The following FARS2 variants were observed in gnomAD, a reference collection of about 807,000 sequenced individuals.
FARS2 encodes the protein phenylalanyl-tRNA synthetase 2, mitochondrial.
FARS2 carries 40 observed loss-of-function variants against 46.4 expected under a neutral mutation model. That is an observed-to-expected ratio of 0.86 (90% CI 0.67 to 1.12). The LOEUF is 1.12. Among genes scored for constraint, FARS2 ranks in the 50% most tolerant of loss-of-function variants. The pLI, the probability that FARS2 is intolerant of heterozygous loss-of-function variation, is 0.00. For missense variants in FARS2, 513 were observed against 567.9 expected (o/e 0.90, Z 0.98); for synonymous variants, 234 against 214.9 (o/e 1.09, Z -0.78).
intron 6 of FARS2, among the ~76,000 whole-genome samples, chr6:5,745,101 A>G (rs1356702853): frequency 6.6e-6 from 1 of 152,270 alleles, no homozygotes; most frequent in Non-Finnish European, 1.5e-5. Context: ...GAAAAGAGCC[A>G]TTAATGAAAT....
At chr6:5,307,753 G>A (rs1768813430) in intron 1 of FARS2, among the ~76,000 whole-genome samples, 1 of 151,708 alleles carries the variant, frequency 6.6e-6, no homozygotes, top group Admixed American at 6.6e-5. Context: ...ATTCATCTTG[G>A]CCTTGAAGTT....
At chr6:5,637,067 A>C (rs1287598280) in intron 6 of FARS2, among the ~76,000 whole-genome samples, 1 of 152,232 alleles carries the variant, frequency 6.6e-6, no homozygotes, top group Non-Finnish European at 1.5e-5. Context: ...AGGCAAGAGC[A>C]TAGGAAGAAA....
intron 3 of FARS2, among the ~76,000 whole-genome samples, chr6:5,405,744 G>T (rs1174294871): frequency 1.3e-5 from 2 of 151,846 alleles, no homozygotes; most frequent in South Asian, 4.2e-4. Flanking sequence ...CACCCGCCTC[G>T]GCCTCCCAAA....
chr6:5,662,158 C>T (rs988542568), intron 6 of FARS2, among the ~76,000 whole-genome samples: 3 of 152,172 alleles, frequency 2.0e-5, no homozygotes, highest in Admixed American at 6.5e-5. Context: ...TTCCACCTAA[C>T]GTATTTTTAA....
chr6:5,335,529 A>G (rs1364166450), intron 1 of FARS2, among the ~76,000 whole-genome samples: 2 of 152,184 alleles, frequency 1.3e-5, no homozygotes, highest in African/African-American at 4.8e-5. Flanking sequence ...ATTCAGATAG[A>G]AACTGTTTCA....
chr6:5,298,006 C>T (rs1268861189), intron 1 of FARS2, among the ~76,000 whole-genome samples: 2 of 152,196 alleles, frequency 1.3e-5, no homozygotes, highest in African/African-American at 4.8e-5. Flanking sequence ...CGGAGGGCAT[C>T]GATGGTAAAC....
intron 2 of FARS2, among the ~76,000 whole-genome samples, chr6:5,375,509 G>A (rs1291720194): frequency 6.6e-6 from 1 of 151,958 alleles, no homozygotes; most frequent in East Asian, 1.9e-4. Flanking sequence ...CAAATCCAGC[G>A]CAAATCCAAC....
chr6:5,530,441 T>C (rs904122209), intron 4 of FARS2, among the ~76,000 whole-genome samples: 5 of 152,190 alleles, frequency 3.3e-5, no homozygotes, highest in South Asian at 4.1e-4. Flanking sequence ...TACAAGGACA[T>C]GATTGGCAAA....
intron 6 of FARS2, among the ~76,000 whole-genome samples, chr6:5,644,539 C>G (rs1214861308): frequency 6.6e-6 from 1 of 152,008 alleles, no homozygotes; most frequent in African/African-American, 2.4e-5. Flanking sequence ...CCCTTGTTTT[C>G]AGACAGCTGC....
At chr6:5,644,541 G>T (rs765606876) in intron 6 of FARS2, among the ~76,000 whole-genome samples, 4 of 151,896 alleles carry the variant, frequency 2.6e-5, no homozygotes, top group Non-Finnish European at 5.9e-5. Context: ...CTTGTTTTCA[G>T]ACAGCTGCAA....
At chr6:5,682,163 C>A (rs907220532) in intron 6 of FARS2, among the ~76,000 whole-genome samples, 3 of 152,154 alleles carry the variant, frequency 2.0e-5, no homozygotes, top group African/African-American at 7.2e-5. Flanking sequence ...GGAATATTAC[C>A]TAGCTGTTAA....
chr6:5,651,774 A>G (rs1053464515), intron 6 of FARS2, among the ~76,000 whole-genome samples: 5 of 152,220 alleles, frequency 3.3e-5, no homozygotes, highest in African/African-American at 1.2e-4. Context: ...GGTAGTCATT[A>G]TCCTCCTTTT....
chr6:5,533,610 T>G (rs910930909), intron 4 of FARS2, among the ~76,000 whole-genome samples: 6 of 152,074 alleles, frequency 3.9e-5, no homozygotes, highest in African/African-American at 1.4e-4. Context: ...AGTCTGAAGG[T>G]CAACAATAAG....
At chr6:5,629,589 A>C (rs1045704102) in intron 6 of FARS2, among the ~76,000 whole-genome samples, 3 of 152,200 alleles carry the variant, frequency 2.0e-5, no homozygotes, top group African/African-American at 4.8e-5. Context: ...GTATTCCCTT[A>C]TAAAAATGTG....
chr6:5,655,984 A>C (rs1777588120), intron 6 of FARS2, among the ~76,000 whole-genome samples: 1 of 152,228 alleles, frequency 6.6e-6, no homozygotes, highest in Admixed American at 6.5e-5. Flanking sequence ...GAAATGATTA[A>C]ATTGTCTTTG....
intron 6 of FARS2, among the ~76,000 whole-genome samples, chr6:5,675,477 G>T (rs1310456857): frequency 2.0e-5 from 3 of 152,186 alleles, no homozygotes; most frequent in Non-Finnish European, 4.4e-5. Context: ...AGTATTGTCT[G>T]CAGTAACTCT....
chr6:5,528,863 C>T (rs1177094530), intron 4 of FARS2, among the ~76,000 whole-genome samples: 1 of 152,106 alleles, frequency 6.6e-6, no homozygotes, highest in East Asian at 1.9e-4. Flanking sequence ...GATCGACCAG[C>T]CATTTTGTAG....
intron 1 of FARS2, among the ~76,000 whole-genome samples, chr6:5,360,730 C>T (rs1758242729): frequency 6.6e-6 from 1 of 152,142 alleles, no homozygotes; most frequent in Admixed American, 6.5e-5. Context: ...TGCCCATGAA[C>T]TTTAAAAAAT....
intron 6 of FARS2, among the ~76,000 whole-genome samples, chr6:5,621,112 G>T (rs1183910731): frequency 6.6e-6 from 1 of 152,078 alleles, no homozygotes; most frequent in Non-Finnish European, 1.5e-5. Context: ...AAGATTCTGG[G>T]GTGTTTGTTT....
Sources: allele counts gnomAD v4.1 joint callset (sites outside exome capture counted in the v4.1 genomes callset), GRCh38; gene constraint gnomAD v4.1.1; transcripts MANE v1.5; gene names NCBI Gene and HGNC (gene_info 2026-07-23, HGNC 2026-07-21).